FREM3: variants seen among roughly 807,000 people sequenced by gnomAD.
The protein encoded by FREM3 is FRAS1 related extracellular matrix 3, also known as FRAS1-related extracellular matrix protein 3.
FREM3 carries 105 observed loss-of-function variants against 129.1 expected under a neutral mutation model. The observed-to-expected ratio is 0.81, with a 90% CI of 0.69 to 0.96. The LOEUF is 0.96. Among genes scored for constraint, FREM3 ranks in the 40% least tolerant of loss-of-function variants. FREM3 has a pLI of 0.00. For synonymous variants in FREM3, 1,014 were observed against 1,044.9 expected, an observed-to-expected ratio of 0.97 and a Z score of 0.57; for missense variants, 2,593 against 2,666.3, an observed-to-expected ratio of 0.97 and a Z score of 0.61.
At position 143,695,849 on chromosome 4, in the gene FREM3, C is replaced by T. The variant is rs763205115; in HGVS notation, c.4827G>A (p.Lys1609=). 115 of 1,537,302 alleles carry T rather than the reference C, an allele frequency of 7.5e-5. No homozygotes were observed. Among genetic ancestry groups the T allele is most frequent in the Non-Finnish European group, 9.4e-5 (108 of 1,146,974 alleles). The change falls in exon 1 of 8, where the codon AAG becomes AAA. Residue 1609 remains lysine, a synonymous_variant. Coordinates refer to ENST00000329798, the MANE Select transcript of FREM3 (RefSeq NM_001168235.2). The part of the protein sequence containing the change: ...QDLNKNLISY[K]HDGSETTEDS... Reference sequence around the variant, plus strand: ...CTTCAGTGGTCTCACTGCCGTCATGCTTGTAGCTAATCAGGTTCTTGTTCA... The same window carrying T: ...CTTCAGTGGTCTCACTGCCGTCATGTTTGTAGCTAATCAGGTTCTTGTTCA...
At chr4:143,683,985 A>G (rs114196353) in intron 2 of FREM3, among the ~76,000 whole-genome samples, 3,111 of 152,168 alleles carry the variant, frequency 0.02, 137 homozygotes, top group African/African-American at 0.072. Context: ...CCCATTCCCC[A>G]CAGCAGCTGC....
chr4:143,595,460 T>C (rs939993877), intron 6 of FREM3, among the ~76,000 whole-genome samples: 1 of 152,250 alleles, frequency 6.6e-6, no homozygotes. Flanking sequence ...CTATGTGCTG[T>C]AAGCATGGTG....
Position 143,700,549 on chromosome 4 carries a change from C to G in FREM3, c.127G>C (p.Ala43Pro). 1 of 1,518,518 alleles carries G rather than the reference C, an allele frequency of 6.6e-7. No homozygotes were observed. The highest frequency in any genetic ancestry group is 8.8e-7 in the Non-Finnish European group (1 of 1,136,438). The allele number at this position is 1,518,518 out of a possible 1,614,324, so 94.1% of individuals were successfully genotyped here. The change falls in exon 1 of 8, where the codon GCG becomes CCG. Residue 43 changes from alanine to proline, a missense_variant. This residue lies in a region of FREM3 where 2,276 missense variants were observed against 2,267.2 expected (regional missense o/e 1.00). Transcript: ENST00000329798. ...ASSLGTEPDP[A>P]LYLPARGALD... is the part of the protein sequence containing the mutation. ...GCACCCCGGGCGGGCAGGTAAAGCG[C>G]CGGGTCGGGCTCGGTCCCAAGTGAG...
intron 2 of FREM3, among the ~76,000 whole-genome samples, chr4:143,628,867 G>A (rs1739091897): frequency 1.3e-5 from 2 of 152,092 alleles, no homozygotes; most frequent in South Asian, 4.1e-4. Context: ...AAAAAGATTG[G>A]CAGGGTAAAG....
intron 5 of FREM3, among the ~76,000 whole-genome samples, chr4:143,620,244 C>G (rs1578837640): frequency 6.6e-6 from 1 of 152,250 alleles, no homozygotes; most frequent in East Asian, 1.9e-4. Context: ...CCCAGGCCAA[C>G]AGCTTCCAAT....
intron 2 of FREM3, among the ~76,000 whole-genome samples, chr4:143,634,038 C>A (rs980571857): frequency 6.6e-6 from 1 of 152,108 alleles, no homozygotes; most frequent in Admixed American, 6.6e-5. Context: ...CCAAACAGGG[C>A]AGCTGGAGGA....
rs557247728 is a variant in FREM3, at chr4:143,665,129, A to T, written c.5275+27984T>A. On this transcript the variant is annotated intron_variant, in intron 2 of 7. Coordinates refer to ENST00000329798, the MANE Select transcript of FREM3 (RefSeq NM_001168235.2). ...GCCCACTGTCTGGCACTCCCTAGTG[A>T]GATGAATCCAGTACCTCAGATGGAA... Among the ~76,000 whole-genome samples the T allele has an allele frequency of 5.4e-3, 810 of 150,428 alleles. 8 individuals are homozygous for T. Among genetic ancestry groups the T allele is most frequent in the African/African-American group, 0.019 (767 of 40,936 alleles).
Position 143,694,595 on chromosome 4 carries a change from A to C in FREM3, c.5185+896T>G, listed in dbSNP as rs140644561. Among the ~76,000 whole-genome samples the C allele has an allele frequency of 2.4e-3, 360 of 152,310 alleles. 2 individuals are homozygous for C. Among genetic ancestry groups the C allele is most frequent in the African/African-American group, 6.9e-3 (287 of 41,560 alleles). On this transcript the variant is annotated intron_variant, in intron 1 of 7. Transcript: ENST00000329798. ...TATTGTTTAAAGTTTATATAAGTTT[A>C]ATATTTGAAAATGTTATCACTGTTG...
rs576447355 is a variant in FREM3, at chr4:143,610,523, C to G, written c.6028+756G>C. ...TCCTTAATAACAGCCCAGTCTAACC[C>G]TTCTTAGGTCTGAGCTTAGCAACTC... On this transcript the variant is annotated intron_variant, in intron 6 of 7. Coordinates refer to ENST00000329798, the MANE Select transcript of FREM3 (RefSeq NM_001168235.2). Among the ~76,000 whole-genome samples, 53 of 152,262 alleles carry G rather than the reference C, an allele frequency of 3.5e-4. No homozygotes were observed. The South Asian group carries it at 5.0e-3, about 14-fold the overall frequency.
intron 6 of FREM3, among the ~76,000 whole-genome samples, chr4:143,596,942 A>C (rs999545952): frequency 1.3e-5 from 2 of 152,112 alleles, no homozygotes; most frequent in Non-Finnish European, 2.9e-5. Flanking sequence ...TGTCTCAAAA[A>C]ATAAAAAATC....
chr4:143,696,805 T>C lies in FREM3; in HGVS notation c.3871A>G (p.Thr1291Ala). 1 of 1,537,728 alleles carries C rather than the reference T, an allele frequency of 6.5e-7. No individual in the cohort carries two copies. ...EVWLSDGKHT[T>A]HRKVPIVVTL... ...ACTACAATGGGTACCTTCCTGTGGGTTGTGTGCTTGCCGTCACTCAGCCAG... is the reference window on the plus strand; with the variant it reads ...ACTACAATGGGTACCTTCCTGTGGGCTGTGTGCTTGCCGTCACTCAGCCAG... Residue 1291 changes from threonine (T) to alanine (A), a missense_variant, in exon 1 of 8, where the codon ACC becomes GCC. Thr to Ala is a moderately conservative substitution (Grantham distance 58). Coordinates refer to ENST00000329798, the MANE Select transcript of FREM3 (RefSeq NM_001168235.2).
At chr4:143,582,308 A>G (rs2149832806) in intron 7 of FREM3, among the ~76,000 whole-genome samples, 1 of 152,242 alleles carries the variant, frequency 6.6e-6, no homozygotes, top group Non-Finnish European at 1.5e-5. Context: ...ATGGCTGCAA[A>G]TGCACAGAGG....
At chr4:143,623,492 A>AACC (rs1578839231) in intron 4 of FREM3, among the ~76,000 whole-genome samples, 1 of 55,964 alleles carries the variant, frequency 1.8e-5, no homozygotes, top group Non-Finnish European at 3.4e-5. Context: ...ATGAATACTA[A>AACC]TCCCCCCCCC....
At position 143,700,145 on chromosome 4, in the gene FREM3, T is replaced by A; in HGVS notation, c.531A>T (p.Val177=). ...GGCTCCAGCTTCGCAGCTTCTCCAC[T>A]ACCAAAGGCCTGTTACGCGTCACCA... ...LELVTRNRPL[V]VEKLRSWSRA... is the part of the protein sequence containing the mutation. Residue 177 remains valine (V), a synonymous_variant, in exon 1 of 8, where the codon GTA becomes GTT. Coordinates refer to ENST00000329798, the MANE Select transcript of FREM3 (RefSeq NM_001168235.2). 2 of 1,536,984 alleles carry A rather than the reference T, an allele frequency of 1.3e-6. No homozygotes were observed. The highest frequency in any genetic ancestry group is 1.7e-6 in the Non-Finnish European group (2 of 1,146,890).
At position 143,678,312 on chromosome 4, in the gene FREM3, G is replaced by A. The variant is rs538419787; in HGVS notation, c.5275+14801C>T. ...AGGACAAAAAAACCAAACACCGCAT[G>A]TTCTCACTCATAGATGGGAATTGAA... On this transcript the variant is annotated intron_variant, in intron 2 of 7. Transcript: ENST00000329798. Among the ~76,000 whole-genome samples, 4 of 152,008 alleles carry A rather than the reference G, an allele frequency of 2.6e-5. No individual in the cohort carries two copies. In the East Asian group the frequency reaches 7.7e-4, roughly 29 times the overall value.
At chr4:143,643,955 A>G (rs901491908) in intron 2 of FREM3, among the ~76,000 whole-genome samples, 10 of 152,208 alleles carry the variant, frequency 6.6e-5, no homozygotes, top group African/African-American at 2.2e-4. Flanking sequence ...CAGCATATCA[A>G]TTACAAATTA....
intron 6 of FREM3, among the ~76,000 whole-genome samples, chr4:143,592,312 G>GTTTAAACTAATGGGTTAAACTGCCCA (rs1355068029): frequency 6.6e-6 from 1 of 151,616 alleles, no homozygotes; most frequent in Non-Finnish European, 1.5e-5. Context: ...CTGCCCATTA[G>GTTTAAACTAATGGGTTAAACTGCCCA]TTGATGCAGT....
intron 5 of FREM3, 101 bp downstream of exon 5, chr4:143,620,936 C>G: frequency 8.3e-7 from 1 of 1,211,902 alleles, no homozygotes; most frequent in South Asian, 1.5e-5. Flanking sequence ...CATCCAGCAT[C>G]TTAACTCTGC....
At chr4:143,687,992 A>G (rs1426557311) in intron 2 of FREM3, among the ~76,000 whole-genome samples, 2 of 152,188 alleles carry the variant, frequency 1.3e-5, no homozygotes, top group Non-Finnish European at 2.9e-5. Flanking sequence ...TCTTCAACAT[A>G]GTACTGGAAG....
Sources: allele counts gnomAD v4.1 joint callset (sites outside exome capture counted in the v4.1 genomes callset), GRCh38; gene constraint gnomAD v4.1.1; regional missense constraint gnomAD v4.1.1; transcripts MANE v1.5; gene names NCBI Gene and HGNC (gene_info 2026-07-23, HGNC 2026-07-21).